NPAS3: variants seen among roughly 807,000 people sequenced by gnomAD.
The protein encoded by NPAS3 is neuronal PAS domain-containing protein 3.
In NPAS3, 14 loss-of-function variants were observed where a neutral mutation model predicts 73.1. The observed-to-expected ratio is 0.19, with a 90% CI of 0.13 to 0.30. The LOEUF is 0.30. Among genes scored for constraint, NPAS3 ranks in the 10% least tolerant of loss-of-function variants. The pLI is 1.00. For synonymous variants in NPAS3, 620 were observed against 541.5 expected, an observed-to-expected ratio of 1.14 and a Z score of -2.01; for missense variants, 1,096 against 1,250.0, an observed-to-expected ratio of 0.88 and a Z score of 1.86.
downstream of NPAS3, chr14:33,801,161 G>A (rs974904654): frequency 2.0e-6 from 3 of 1,533,056 alleles, no homozygotes; most frequent in South Asian, 1.2e-5. Flanking sequence ...AGGCATCGTC[G>A]GCATTTTCGT....
intron 3 of NPAS3, among the ~76,000 whole-genome samples, chr14:33,233,004 C>G (rs1249663189): frequency 6.6e-6 from 1 of 152,162 alleles, no homozygotes; most frequent in Non-Finnish European, 1.5e-5. Context: ...ATCCAAATCA[C>G]TTATATGCTA....
chr14:33,062,142 A>G (rs558330941), intron 2 of NPAS3, among the ~76,000 whole-genome samples: 1 of 152,238 alleles, frequency 6.6e-6, no homozygotes, highest in Non-Finnish European at 1.5e-5. Flanking sequence ...CAGAGACTGC[A>G]TCTTCGAGAA....
chr14:33,352,165 G>T (rs1306666888), intron 3 of NPAS3, among the ~76,000 whole-genome samples: 1 of 152,150 alleles, frequency 6.6e-6, no homozygotes, highest in Non-Finnish European at 1.5e-5. Context: ...ATTGTCTTAG[G>T]CACTTCATGT....
At chr14:33,387,359 C>T (rs561372298) in intron 4 of NPAS3, among the ~76,000 whole-genome samples, 1 of 152,274 alleles carries the variant, frequency 6.6e-6, no homozygotes, top group Non-Finnish European at 1.5e-5. Context: ...CAACTCCATC[C>T]CCCAATGCTG....
intron 5 of NPAS3, among the ~76,000 whole-genome samples, chr14:33,653,755 T>C (rs1254277077): frequency 2.6e-5 from 4 of 152,208 alleles, no homozygotes; most frequent in Admixed American, 2.6e-4. Flanking sequence ...AGCTCAAAAT[T>C]GCTTTTAATT....
chr14:33,069,726 G>A (rs2041416758), intron 2 of NPAS3, among the ~76,000 whole-genome samples: 1 of 152,170 alleles, frequency 6.6e-6, no homozygotes, highest in Non-Finnish European at 1.5e-5. Flanking sequence ...TGCATACTAA[G>A]TACTCAACTA....
rs115591737 is a variant in NPAS3, at chr14:33,778,604, G to A, written c.1153+32G>A. The A allele has an allele frequency of 8.6e-4, 1,234 of 1,434,876 alleles. 10 individuals are homozygous for A. In the African/African-American group the frequency reaches 0.015, roughly 17 times the overall value. 88.9% of individuals were successfully genotyped at this position (1,434,876 alleles called of 1,614,324 possible). On this transcript the variant is annotated intron_variant, in intron 9 of 11. Transcript: ENST00000356141. The stretch of plus-strand genomic sequence containing the variant: ...ACCTCCTGTGTGGGGGAATAACCCC[G>A]GCTGGTGTCAGCAATCTCTGAGGCT...
chr14:33,533,948 C>G (rs980814840), intron 4 of NPAS3, among the ~76,000 whole-genome samples: 3 of 152,010 alleles, frequency 2.0e-5, no homozygotes, highest in Non-Finnish European at 4.4e-5. Context: ...CCCTGATATT[C>G]TGCCCCATAT....
At chr14:33,536,288 T>C (rs1010976634) in intron 4 of NPAS3, among the ~76,000 whole-genome samples, 1 of 152,200 alleles carries the variant, frequency 6.6e-6, no homozygotes, top group Non-Finnish European at 1.5e-5. Flanking sequence ...CAATGATAGA[T>C]ACAACAAAAC....
At chr14:32,976,122 G>A (rs758931512) in intron 1 of NPAS3, among the ~76,000 whole-genome samples, 11 of 152,024 alleles carry the variant, frequency 7.2e-5, no homozygotes, top group East Asian at 1.9e-4. Flanking sequence ...TTATTAAGTC[G>A]GGCAAGAGTG....
At chr14:33,376,339 C>T (rs1464159845) in intron 4 of NPAS3, among the ~76,000 whole-genome samples, 1 of 152,074 alleles carries the variant, frequency 6.6e-6, no homozygotes, top group Non-Finnish European at 1.5e-5. Context: ...TATATAAAAA[C>T]TGATGGGCAC....
intron 3 of NPAS3, among the ~76,000 whole-genome samples, chr14:33,232,289 C>T (rs375634625): frequency 1.6e-4 from 24 of 152,250 alleles, no homozygotes; most frequent in Non-Finnish European, 3.2e-4. Context: ...GTGCTTTGGA[C>T]GGATTCATCC....
chr14:33,107,849 G>C (rs1221739586), intron 2 of NPAS3, among the ~76,000 whole-genome samples: 1 of 152,140 alleles, frequency 6.6e-6, no homozygotes, highest in African/African-American at 2.4e-5. Context: ...ACATGGTACT[G>C]GTATTGTGTT....
At chr14:33,062,800 C>G (rs1267960231) in intron 2 of NPAS3, among the ~76,000 whole-genome samples, 2 of 152,182 alleles carry the variant, frequency 1.3e-5, no homozygotes, top group African/African-American at 4.8e-5. Context: ...GTGCTTGTGT[C>G]CAGACTTTAG....
chr14:33,119,352 C>T (rs910923419), intron 2 of NPAS3, among the ~76,000 whole-genome samples: 1 of 152,014 alleles, frequency 6.6e-6, no homozygotes, highest in African/African-American at 2.4e-5. Context: ...CTTGCCAATC[C>T]ACAACTTCTC....
chr14:33,118,427 A>C (rs2043132754), intron 2 of NPAS3, among the ~76,000 whole-genome samples: 2 of 152,110 alleles, frequency 1.3e-5, no homozygotes, highest in Admixed American at 1.3e-4. Context: ...GTTTTTCACA[A>C]TAAATTTACA....
At chr14:33,001,599 G>T (rs2038809188) in intron 1 of NPAS3, among the ~76,000 whole-genome samples, 1 of 151,896 alleles carries the variant, frequency 6.6e-6, no homozygotes, top group Non-Finnish European at 1.5e-5. Flanking sequence ...CTTCATTCTT[G>T]TATTACCTTA....
chr14:33,435,226 A>G (rs1247640643), intron 4 of NPAS3, among the ~76,000 whole-genome samples: 1 of 152,224 alleles, frequency 6.6e-6, no homozygotes, highest in Non-Finnish European at 1.5e-5. Flanking sequence ...TTAGAGAGAA[A>G]GAGAATAGAT....
At chr14:33,191,788 AG>A (rs1446000184) in intron 2 of NPAS3, among the ~76,000 whole-genome samples, 1 of 152,234 alleles carries the variant, frequency 6.6e-6, no homozygotes, top group Non-Finnish European at 1.5e-5. Flanking sequence ...GATACTTATG[AG>A]AGTGGCAGAT....
Sources: allele counts gnomAD v4.1 joint callset (sites outside exome capture counted in the v4.1 genomes callset), GRCh38; gene constraint gnomAD v4.1.1; transcripts MANE v1.5; gene names NCBI Gene and HGNC (gene_info 2026-07-23, HGNC 2026-07-21).